LRSAM1: variants seen among roughly 807,000 people sequenced by gnomAD.
LRSAM1 encodes the protein leucine rich repeat and sterile alpha motif containing 1, also known as E3 ubiquitin-protein ligase LRSAM1.
In LRSAM1, 96 loss-of-function variants were observed where a neutral mutation model predicts 118.1. The ratio of observed to expected loss-of-function variants is 0.81; its 90% CI spans 0.69 to 0.96. The LOEUF (loss-of-function observed/expected upper bound fraction) is 0.96, where lower values mean the gene tolerates loss of function less well. LRSAM1 is among the 40% of genes least tolerant of loss of function. The probability of loss-of-function intolerance (pLI) is 0.00; values close to 1 mark genes in which losing one functional copy is unlikely to be tolerated. For missense variants in LRSAM1, 804 were observed against 915.5 expected (o/e 0.88, Z 1.57); for synonymous variants, 322 against 364.2 (o/e 0.88, Z 1.32).
Position 127,495,921 on chromosome 9 carries a change from C to T in LRSAM1, c.1699-43C>T, listed in dbSNP as rs369818709. 4 of 1,607,938 alleles carry T rather than the reference C, an allele frequency of 2.5e-6. No individual in the cohort carries two copies. The Admixed American group carries it at 5.0e-5, about 20-fold the overall frequency. ...CATTTCCTGTTGTAAACAGTGGGTT[C>T]TTTTCTTCCTTCCTGCTCATGGTAC... On this transcript the variant is annotated intron_variant, in intron 22 of 25. Coordinates refer to ENST00000300417, the MANE Select transcript of LRSAM1 (RefSeq NM_001005373.4).
intron 24 of LRSAM1, among the ~76,000 whole-genome samples, chr9:127,500,595 A>C (rs1836348646): frequency 6.6e-6 from 1 of 152,140 alleles, no homozygotes; most frequent in Non-Finnish European, 1.5e-5. Context: ...CCCTTCACTG[A>C]GAGCTCCTGC....
chr9:127,467,939 C>T (rs1030792050), intron 10 of LRSAM1, 109 bp downstream of exon 10: 47 of 1,088,120 alleles, frequency 4.3e-5, no homozygotes, highest in Non-Finnish European at 5.8e-5. Flanking sequence ...GCCACAGTGC[C>T]TACCTGCTTG....
intron 23 of LRSAM1, among the ~76,000 whole-genome samples, chr9:127,496,337 G>C (rs954059300): frequency 6.6e-6 from 1 of 152,214 alleles, no homozygotes; most frequent in African/African-American, 2.4e-5. Flanking sequence ...TGATCAGACT[G>C]GATCTTCAGA....
In LRSAM1 at chr9:127,501,155, G is replaced by T; in HGVS notation, c.2046+12G>T. On this transcript the variant is annotated intron_variant, in intron 25 of 25. Transcript: ENST00000300417. ...GCCTGGAACGGGAGGTAAGTCCGGG[G>T]CCCTCCCCACCCGCCTGCCCTGCCT... is the stretch of plus-strand genomic sequence containing the variant. 6.2e-7 allele frequency: 1 copy of T among 1,608,076 alleles called. No individual in the cohort carries two copies.
At chr9:127,464,444 G>A (rs897287367) in intron 9 of LRSAM1, among the ~76,000 whole-genome samples, 66 of 151,830 alleles carry the variant, frequency 4.3e-4, no homozygotes, top group Non-Finnish European at 7.5e-4. Flanking sequence ...AGCGGCAGCC[G>A]CTGGCCATAT....
intron 10 of LRSAM1, chr9:127,470,999 GAA>G (rs1229346911): frequency 6.6e-6 from 1 of 151,664 alleles, no homozygotes; most frequent in South Asian, 2.1e-4. Context: ...AAAAGAGAGA[GAA>G]AGATTTTGTG....
intron 21 of LRSAM1, 88 bp from the exon 22 acceptor site, chr9:127,495,232 C>T (rs1836083265): frequency 1.6e-6 from 2 of 1,247,014 alleles, no homozygotes; most frequent in Non-Finnish European, 2.3e-6. Context: ...GGATTACAGG[C>T]ATGAGCCACC....
chr9:127,451,652 T>C lies in LRSAM1; in HGVS notation c.-206T>C. On this transcript the variant is annotated 5_prime_UTR_variant, in exon 1 of 26. Transcript: ENST00000300417. ...CTCCGGTGATCCCAGCCCTAGCTGT[T>C]TCCCATATTCCTTTATCGTGAGTGT... 1 of 407,966 alleles carries C rather than the reference T, an allele frequency of 2.5e-6. No homozygotes were observed. Among genetic ancestry groups the C allele is most frequent in the Non-Finnish European group, 4.6e-6 (1 of 219,360 alleles). The allele number at this position is 407,966 out of a possible 1,614,324, so 25.3% of individuals were successfully genotyped here. A position where few individuals can be genotyped will look rare whatever the true frequency, so the allele number is the denominator to read the frequency against.
At chr9:127,461,012 T>C (rs1278846624) in intron 7 of LRSAM1, among the ~76,000 whole-genome samples, 161 bp from the exon 8 acceptor site, 2 of 151,980 alleles carry the variant, frequency 1.3e-5, no homozygotes, top group Non-Finnish European at 2.9e-5. Flanking sequence ...TGTGCCACCA[T>C]GCCCAGCTAA....
At chr9:127,483,059 G>C (rs1397813443) in intron 16 of LRSAM1, 39 bp downstream of exon 16, 6 of 1,590,384 alleles carry the variant, frequency 3.8e-6, no homozygotes, top group Non-Finnish European at 3.4e-6. Flanking sequence ...CACGCTGCCT[G>C]CTGGCTGGGC....
At chr9:127,476,992 C>T (rs1835369541) in intron 11 of LRSAM1, among the ~76,000 whole-genome samples, 1 of 152,086 alleles carries the variant, frequency 6.6e-6, no homozygotes, top group Non-Finnish European at 1.5e-5. Context: ...TGTTTTCTAT[C>T]TTAATTGTGT....
intron 23 of LRSAM1, 151 bp downstream of exon 23, chr9:127,496,246 C>T: frequency 9.0e-7 from 1 of 1,111,312 alleles, no homozygotes; most frequent in East Asian, 2.6e-5. Context: ...GCCAGAACAC[C>T]TGCCCATCTG....
In LRSAM1 at chr9:127,492,843, C is replaced by G; in HGVS notation, c.1545C>G (p.Leu515=). 1 of 1,614,000 alleles carries G rather than the reference C, an allele frequency of 6.2e-7. No homozygotes were observed. The highest frequency in any genetic ancestry group is 8.5e-7 in the Non-Finnish European group (1 of 1,180,038). The stretch of plus-strand genomic sequence containing the variant: ...AGCGCTGGGCCCTCAGCTCCCTGCT[C>G]CAGCAGCTGCTCAAAGAGAAGCAGC... ...SEQRWALSSL[L]QQLLKEKQQR... Residue 515 remains leucine, a synonymous_variant, in exon 21 of 26, where the codon CTC becomes CTG. Coordinates refer to ENST00000300417, the MANE Select transcript of LRSAM1 (RefSeq NM_001005373.4).
chr9:127,452,165 G>T (rs988483197), intron 2 of LRSAM1, 81 bp downstream of exon 2: 5 of 152,376 alleles, frequency 3.3e-5, no homozygotes, highest in African/African-American at 1.2e-4. Context: ...GAGAGGGAGG[G>T]ACAGGCATGT....
rs958839110 is a variant in LRSAM1 at position 127,465,571 on chromosome 9, G to T, written c.529-2169G>T. 7.9e-5 allele frequency among the ~76,000 whole-genome samples: 12 copies of T among 152,188 alleles called. No individual in the cohort carries two copies. Among genetic ancestry groups the T allele is most frequent in the Non-Finnish European group, 1.6e-4 (11 of 68,032 alleles). On this transcript the variant is annotated intron_variant, in intron 9 of 25. Transcript: ENST00000300417. The surrounding 1 kb of genome is among the most constrained non-coding windows in gnomAD (Gnocchi z 4.1). ...CTGTTGGGCCCTCAGCATCTGGGCG[G>T]TCAGTTCCTCTTCCCTGGGGCAGTC... is the stretch of plus-strand genomic sequence containing the variant.
chr9:127,485,944 AG>A, intron 17 of LRSAM1, 109 bp downstream of exon 17: 1 of 993,118 alleles, frequency 1.0e-6, no homozygotes, highest in Non-Finnish European at 1.6e-6. Context: ...GGGCCACCCC[AG>A]CCTCTGCTCT....
chr9:127,471,289 A>G (rs1020537282), intron 10 of LRSAM1, among the ~76,000 whole-genome samples: 7 of 151,658 alleles, frequency 4.6e-5, no homozygotes, highest in African/African-American at 1.7e-4. Context: ...CATGGGCAAC[A>G]TGGCAAAACT....
chr9:127,458,736 T>TATAC (rs1256076961), intron 6 of LRSAM1, among the ~76,000 whole-genome samples: 1 of 152,242 alleles, frequency 6.6e-6, no homozygotes, highest in Non-Finnish European at 1.5e-5. Flanking sequence ...GTGTTTCTTT[T>TATAC]TAACATATTA....
In LRSAM1 at chr9:127,502,913, A is replaced by ACCTGGG. The variant is rs761390274; in HGVS notation, c.*20_*25dup. On this transcript the variant is annotated 3_prime_UTR_variant, in exon 26 of 26. Transcript: ENST00000300417. ...CACAGCAGCTGAGTGCTGCCCGCCC[A>ACCTGGG]CCTGGGCCTGGTCCTAGCCCTGCCT... 17 of 1,583,258 alleles carry ACCTGGG rather than the reference A, an allele frequency of 1.1e-5. No homozygotes were observed. In the South Asian group the frequency reaches 1.8e-4, roughly 17 times the overall value.
Sources: gnomAD v4.1 joint callset for allele counts (sites outside exome capture counted in the v4.1 genomes callset) on GRCh38, gnomAD v4.1.1 for gene constraint, Gnocchi (gnomAD v3.1) non-coding constraint, MANE v1.5 for transcripts, NCBI Gene and HGNC (gene_info 2026-07-23, HGNC 2026-07-21) for gene names.